TM9SF2: variants seen among roughly 807,000 people sequenced by gnomAD.
TM9SF2 encodes the protein transmembrane 9 superfamily member 2.
A neutral mutation model predicts 84.9 loss-of-function variants in TM9SF2; 13 were observed. The observed-to-expected ratio is 0.15, with a 90% CI of 0.10 to 0.24. The LOEUF is 0.24. Among genes scored for constraint, TM9SF2 ranks in the 10% least tolerant of loss-of-function variants. TM9SF2 has a pLI of 1.00. For synonymous variants in TM9SF2, 273 were observed against 285.8 expected, an observed-to-expected ratio of 0.96 and a Z score of 0.45; for missense variants, 562 against 818.5, an observed-to-expected ratio of 0.69 and a Z score of 3.82.
At chr13:99,518,749 A>G (rs1178004931) in intron 2 of TM9SF2, among the ~76,000 whole-genome samples, 1 of 149,676 alleles carries the variant, frequency 6.7e-6, no homozygotes, top group East Asian at 2.0e-4. Flanking sequence ...GGCGTGTGCA[A>G]CCATGCCCAG....
intron 16 of TM9SF2, among the ~76,000 whole-genome samples, chr13:99,561,810 A>G (rs1332408993): frequency 1.3e-5 from 2 of 152,236 alleles, no homozygotes; most frequent in Non-Finnish European, 2.9e-5. Context: ...AAGGAGTACT[A>G]TGCTTGAAGT....
At chr13:99,553,660 G>C (rs1230821873) in intron 13 of TM9SF2, among the ~76,000 whole-genome samples, 1 of 152,140 alleles carries the variant, frequency 6.6e-6, no homozygotes, top group Non-Finnish European at 1.5e-5. Flanking sequence ...GGATATTTTT[G>C]AACTTTCTTA....
At chr13:99,553,446 GA>G (rs1258409293) in intron 13 of TM9SF2, among the ~76,000 whole-genome samples, 1 of 152,170 alleles carries the variant, frequency 6.6e-6, no homozygotes, top group South Asian at 2.1e-4. Flanking sequence ...ACAATTACTT[GA>G]AATTCCAAAA....
chr13:99,506,803 C>T (rs2046090638), intron 1 of TM9SF2, among the ~76,000 whole-genome samples: 1 of 152,192 alleles, frequency 6.6e-6, no homozygotes, highest in Non-Finnish European at 1.5e-5. Context: ...TTGGTCTGTG[C>T]ACTGTCAGCC....
chr13:99,553,447 A>G (rs1169354744), intron 13 of TM9SF2, among the ~76,000 whole-genome samples: 2 of 152,258 alleles, frequency 1.3e-5, no homozygotes, highest in Non-Finnish European at 2.9e-5. Flanking sequence ...CAATTACTTG[A>G]AATTCCAAAA....
At chr13:99,521,936 G>A (rs913045996) in intron 3 of TM9SF2, among the ~76,000 whole-genome samples, 1 of 152,112 alleles carries the variant, frequency 6.6e-6, no homozygotes, top group Non-Finnish European at 1.5e-5. Context: ...TGAACTTCTG[G>A]CTTCAAGCAA....
chr13:99,536,389 G>T (rs191716962), intron 4 of TM9SF2, among the ~76,000 whole-genome samples: 18 of 151,844 alleles, frequency 1.2e-4, no homozygotes, highest in Admixed American at 5.9e-4. Flanking sequence ...ACTGCACTCG[G>T]ACCAGCCTGT....
At chr13:99,524,234 G>A (rs2046172415) in intron 3 of TM9SF2, among the ~76,000 whole-genome samples, 1 of 152,178 alleles carries the variant, frequency 6.6e-6, no homozygotes, top group Admixed American at 6.5e-5. Flanking sequence ...TGCGAGGGGA[G>A]AAGCCAGGAG....
intron 2 of TM9SF2, among the ~76,000 whole-genome samples, chr13:99,518,622 G>A (rs2046145023): frequency 6.6e-6 from 1 of 152,118 alleles, no homozygotes; most frequent in Non-Finnish European, 1.5e-5. Flanking sequence ...TTTGAGACAA[G>A]GTCTTGCTCT....
intron 1 of TM9SF2, among the ~76,000 whole-genome samples, chr13:99,513,583 T>C (rs2046122247): frequency 6.6e-6 from 1 of 151,748 alleles, no homozygotes; most frequent in Non-Finnish European, 1.5e-5. Context: ...CTTTATGCCT[T>C]GTGTTCGACC....
intron 3 of TM9SF2, among the ~76,000 whole-genome samples, chr13:99,524,354 A>G (rs2046172949): frequency 6.6e-6 from 1 of 152,106 alleles, no homozygotes. Context: ...AAGGTGGCCG[A>G]CAGAATTTGC....
In TM9SF2 at chr13:99,559,558, A is replaced by G. The variant is rs577604014; in HGVS notation, c.1924+24A>G. The stretch of plus-strand genomic sequence containing the variant: ...AGGTAAAATTATAATTTAAGTGATT[A>G]TTTTTATTTTGTAAGTTTTTAGACA... On this transcript the variant is annotated intron_variant, in intron 16 of 16. Coordinates refer to ENST00000376387, the MANE Select transcript of TM9SF2 (RefSeq NM_004800.3). 35 of 1,553,718 alleles carry G rather than the reference A, an allele frequency of 2.3e-5. No homozygotes were observed. In the South Asian group the frequency reaches 3.8e-4, roughly 17 times the overall value.
At chr13:99,556,327 CCT>C (rs1211917056) in intron 15 of TM9SF2, among the ~76,000 whole-genome samples, 1 of 152,182 alleles carries the variant, frequency 6.6e-6, no homozygotes, top group Non-Finnish European at 1.5e-5. Context: ...GCCACCACCA[CCT>C]CTGTTTAGTT....
chr13:99,544,423 A>T (rs998838491), intron 10 of TM9SF2, among the ~76,000 whole-genome samples: 2 of 152,010 alleles, frequency 1.3e-5, no homozygotes, highest in African/African-American at 4.8e-5. Context: ...TTAGGTTCTC[A>T]AAATCTAAGT....
chr13:99,544,789 C>T (rs748908978), intron 10 of TM9SF2, among the ~76,000 whole-genome samples: 1 of 152,094 alleles, frequency 6.6e-6, no homozygotes, highest in East Asian at 1.9e-4. Context: ...TAGGAAAGAC[C>T]TTCCTTCCTC....
At position 99,539,436 on chromosome 13, in the gene TM9SF2, C is replaced by T; in HGVS notation, c.717-10C>T. The T allele has an allele frequency of 6.4e-7, 1 of 1,565,124 alleles. No homozygotes were observed. The highest frequency in any genetic ancestry group is 8.8e-7 in the Non-Finnish European group (1 of 1,137,668). ...TTATCAGCATCTTGCCAAAATGTTTCTTCCCACAGCTTCAAACATACCCAT... is the reference window on the plus strand; with the variant it reads ...TTATCAGCATCTTGCCAAAATGTTTTTTCCCACAGCTTCAAACATACCCAT... On this transcript the variant is annotated splice_polypyrimidine_tract_variant and intron_variant, in intron 6 of 16. Coordinates refer to ENST00000376387, the MANE Select transcript of TM9SF2 (RefSeq NM_004800.3).
intron 1 of TM9SF2, among the ~76,000 whole-genome samples, chr13:99,515,199 C>G (rs1363705779): frequency 2.0e-5 from 3 of 152,172 alleles, no homozygotes; most frequent in Non-Finnish European, 4.4e-5. Context: ...TGCATTCCTT[C>G]CTAGAAGGAA....
At chr13:99,531,955 T>C (rs890335315) in intron 4 of TM9SF2, among the ~76,000 whole-genome samples, 9 of 152,188 alleles carry the variant, frequency 5.9e-5, no homozygotes, top group Non-Finnish European at 1.2e-4. Context: ...TCAGTTCTTA[T>C]CTTCTCATAT....
chr13:99,535,015 G>A (rs529227645), intron 4 of TM9SF2, among the ~76,000 whole-genome samples: 1 of 152,172 alleles, frequency 6.6e-6, no homozygotes, highest in African/African-American at 2.4e-5. Flanking sequence ...AGCCAGGTGT[G>A]ATGGCATGCA....
Sources: allele counts gnomAD v4.1 joint callset (sites outside exome capture counted in the v4.1 genomes callset), GRCh38; gene constraint gnomAD v4.1.1; transcripts MANE v1.5; gene names NCBI Gene and HGNC (gene_info 2026-07-23, HGNC 2026-07-21).